Variants in ZNF415 observed in about 807,000 individuals in gnomAD.
The protein encoded by ZNF415 is zinc finger protein 415.
ZNF415 carries 5 observed loss-of-function variants against 7.3 expected under a neutral mutation model. The observed-to-expected ratio is 0.69, with a 90% confidence interval of 0.36 to 1.44. The LOEUF (loss-of-function observed/expected upper bound fraction) is 1.44. ZNF415 is among the 40% of genes most tolerant of loss of function. The probability of loss-of-function intolerance (pLI) is 0.04; values close to 1 mark genes in which losing one functional copy is unlikely to be tolerated. For missense variants in ZNF415, 628 were observed against 664.8 expected (o/e 0.94, Z 0.61); for synonymous variants, 207 against 226.3 (o/e 0.91, Z 0.77).
intron 1 of ZNF415, among the ~76,000 whole-genome samples, chr19:53,131,592 C>T (rs2090082573): frequency 6.6e-6 from 1 of 152,044 alleles, no homozygotes. Context: ...CACCTTCTTT[C>T]TCTAGCTCTT....
chr19:53,130,133 G>T (rs1161083493), intron 1 of ZNF415, among the ~76,000 whole-genome samples: 1 of 150,026 alleles, frequency 6.7e-6, no homozygotes, highest in African/African-American at 2.4e-5. Context: ...CTGAGCAAAA[G>T]AAACTTCTTC....
intron 1 of ZNF415, among the ~76,000 whole-genome samples, chr19:53,128,015 C>A (rs2089487414): frequency 1.3e-5 from 2 of 152,184 alleles, no homozygotes; most frequent in African/African-American, 4.8e-5. Flanking sequence ...TCTACTCACT[C>A]CTTGATCCCA....
chr19:53,109,554 T>G lies in ZNF415; in HGVS notation c.491A>C (p.His164Pro), dbSNP rs768597876. ...ACCATGGTTGACAGACTTCTCAACA[T>G]GGTTACATTCATAAATTTTCCCTTC... ...QAEGKIYECN[H>P]VEKSVNHGSS... Residue 164 changes from histidine to proline, a missense_variant, in exon 4 of 4, where the codon CAT becomes CCT. Coordinates refer to ENST00000243643, the MANE Select transcript of ZNF415 (RefSeq NM_018355.4). The G allele has an allele frequency of 6.2e-6, 10 of 1,614,028 alleles. No individual in the cohort carries two copies. In the African/African-American group the frequency reaches 8.0e-5, roughly 13 times the overall value.
intron 3 of ZNF415, among the ~76,000 whole-genome samples, chr19:53,113,997 C>T (rs1001481541): frequency 1.3e-5 from 2 of 152,168 alleles, no homozygotes; most frequent in Non-Finnish European, 2.9e-5. Flanking sequence ...CTTTAAGGGG[C>T]ATCTCTACAT....
At chr19:53,119,002 C>T (rs968795639) in intron 2 of ZNF415, among the ~76,000 whole-genome samples, 10 of 151,414 alleles carry the variant, frequency 6.6e-5, no homozygotes, top group East Asian at 1.9e-4. Flanking sequence ...AAAATTAGGC[C>T]GGGCGCAGTG....
Position 53,108,368 on chromosome 19 carries a change from C to A in ZNF415, c.*9G>T, listed in dbSNP as rs746089986. ...CAGGATTTAAACTTTGACTGAAGACCTTGCCATATTAATTTCTTTTATAAG... is the reference window on the plus strand; with the variant it reads ...CAGGATTTAAACTTTGACTGAAGACATTGCCATATTAATTTCTTTTATAAG... On this transcript the variant is annotated 3_prime_UTR_variant, in exon 4 of 4. Coordinates refer to ENST00000243643, the MANE Select transcript of ZNF415 (RefSeq NM_018355.4). The A allele has an allele frequency of 6.3e-7, 1 of 1,588,938 alleles. No homozygotes were observed. The highest frequency in any genetic ancestry group is 1.8e-5 in the Admixed American group (1 of 55,956).
chr19:53,132,041 G>A (rs1340066627), intron 1 of ZNF415, among the ~76,000 whole-genome samples: 1 of 152,068 alleles, frequency 6.6e-6, no homozygotes, highest in African/African-American at 2.4e-5. Flanking sequence ...CTACCTGGCT[G>A]TCCTTCATCT....
In ZNF415 at chr19:53,108,828, T is replaced by C. The variant is rs767698274; in HGVS notation, c.1217A>G (p.His406Arg). The C allele has an allele frequency of 3.1e-6, 5 of 1,613,980 alleles. No homozygotes were observed. ...TSSLARHWRIHTGEKPYKCNE... is the reference protein window; with the variant it reads ...TSSLARHWRIRTGEKPYKCNE... Reference sequence around the variant, plus strand: ...GCATTTGTAAGGTTTCTCTCCAGTATGAATTCTCCAATGCCTTGCAAGGCT... The same window carrying C: ...GCATTTGTAAGGTTTCTCTCCAGTACGAATTCTCCAATGCCTTGCAAGGCT... The change falls in exon 4 of 4, where the codon CAT becomes CGT. Residue 406 changes from histidine to arginine, a missense_variant. His to Arg is a conservative substitution (Grantham distance 29). Transcript: ENST00000243643.
intron 2 of ZNF415, among the ~76,000 whole-genome samples, chr19:53,120,530 A>G (rs7259824): frequency 0.11 from 16,134 of 152,140 alleles, 940 homozygotes; most frequent in African/African-American, 0.16. Context: ...GAAAAGGGAT[A>G]CTCTATATCT....
Position 53,113,790 on chromosome 19 carries a change from G to A in ZNF415, c.136+2523C>T, listed in dbSNP as rs573690419. On this transcript the variant is annotated intron_variant, in intron 3 of 3. Coordinates refer to ENST00000243643, the MANE Select transcript of ZNF415 (RefSeq NM_018355.4). The stretch of plus-strand genomic sequence containing the variant: ...GTGAACTTGAACAATGTCATCGCTA[G>A]GAGAAACTCCCACACCAACTGCTGG... 2.0e-5 allele frequency among the ~76,000 whole-genome samples: 3 copies of A among 152,320 alleles called. No individual in the cohort carries two copies. The East Asian group carries it at 5.8e-4, about 29-fold the overall frequency.
chr19:53,109,283 A>C lies in ZNF415; in HGVS notation c.762T>G (p.Ser254Arg), dbSNP rs2085864728. 1 of 1,614,024 alleles carries C rather than the reference A, an allele frequency of 6.2e-7. No individual in the cohort carries two copies. Among genetic ancestry groups the C allele is most frequent in the Non-Finnish European group, 8.5e-7 (1 of 1,180,024 alleles). The change falls in exon 4 of 4, where the codon AGT becomes AGG. Residue 254 changes from serine (S) to arginine (R), a missense_variant. Physicochemically the swap from Ser to Arg is moderately radical, Grantham distance 110. Transcript: ENST00000243643. ...YKCDLCGKVF[S>R]QKSNLARHWR... is the part of the protein sequence containing the mutation. ...AATGACGCGCAAGGTTTGATTTTTG[A>C]CTAAAGACCTTGCCACACAGATCAC...
chr19:53,121,874 G>C (rs2088138706), intron 2 of ZNF415, among the ~76,000 whole-genome samples: 1 of 152,044 alleles, frequency 6.6e-6, no homozygotes, highest in Non-Finnish European at 1.5e-5. Context: ...AGTTTTATCT[G>C]GATTACAAAA....
chr19:53,116,858 G>A (rs55959943), intron 2 of ZNF415, among the ~76,000 whole-genome samples: 14,619 of 151,904 alleles, frequency 0.096, 724 homozygotes, highest in East Asian at 0.12. Flanking sequence ...TGAAATAAAC[G>A]AGTCAGACAA....
chr19:53,126,271 G>C (rs996236045), intron 1 of ZNF415, among the ~76,000 whole-genome samples: 3 of 151,282 alleles, frequency 2.0e-5, no homozygotes, highest in Admixed American at 2.0e-4. Context: ...AAGGGCAAGC[G>C]CAAGTCCACC....
At chr19:53,130,287 A>C (rs1409357312) in intron 1 of ZNF415, among the ~76,000 whole-genome samples, 2 of 152,180 alleles carry the variant, frequency 1.3e-5, no homozygotes, top group Non-Finnish European at 2.9e-5. Context: ...TATCAGGTAC[A>C]CATTGAAACA....
chr19:53,129,564 G>A lies in ZNF415; in HGVS notation c.-68+3292C>T, dbSNP rs115377682. On this transcript the variant is annotated intron_variant, in intron 1 of 3. Transcript: ENST00000243643. ...CCCAATTTTGCCCCAAATTTCAGGAGTCAGTGTTGCTCACATTGAGGTTTT... is the reference window on the plus strand; with the variant it reads ...CCCAATTTTGCCCCAAATTTCAGGAATCAGTGTTGCTCACATTGAGGTTTT... 397 of 402,982 alleles carry A rather than the reference G, an allele frequency of 9.9e-4. 3 individuals are homozygous for A. Among genetic ancestry groups the A allele is most frequent in the African/African-American group, 7.4e-3 (363 of 48,758 alleles). 25.0% of individuals were successfully genotyped at this position (402,982 alleles called of 1,614,324 possible). A position where few individuals can be genotyped will look rare whatever the true frequency, so the allele number is the denominator to read the frequency against.
At position 53,108,221 on chromosome 19, in the gene ZNF415, G is replaced by A. The variant is rs979194798; in HGVS notation, c.*156C>T. 4 of 732,724 alleles carry A rather than the reference G, an allele frequency of 5.5e-6. No homozygotes were observed. The highest frequency in any genetic ancestry group is 3.5e-5 in the African/African-American group (2 of 56,400). 45.4% of individuals were successfully genotyped at this position (732,724 alleles called of 1,614,324 possible). On this transcript the variant is annotated 3_prime_UTR_variant, in exon 4 of 4. Transcript: ENST00000243643. ...TTGTGATGAAGGGTTTGCTGTACTC[G>A]TAAGGATTCTCTCAAGAATGAAATT...
intron 2 of ZNF415, among the ~76,000 whole-genome samples, chr19:53,122,037 T>C (rs3786523): frequency 0.22 from 34,058 of 151,598 alleles, 4,834 homozygotes; most frequent in African/African-American, 0.39. Flanking sequence ...ACCTGAGGTC[T>C]GGAGTTCGAG....
Position 53,113,512 on chromosome 19 carries a change from A to C in ZNF415, c.136+2801T>G, listed in dbSNP as rs1288747241. On this transcript the variant is annotated intron_variant, in intron 3 of 3. Transcript: ENST00000243643. ...ACAGAGCGAAACTCCGTCTCAAAAA[A>C]AAAAAAAAAAAAAAAAAAAAAACCG... Among the ~76,000 whole-genome samples the C allele has an allele frequency of 2.5e-3, 68 of 27,180 alleles. 21 individuals carry two copies. The highest frequency in any genetic ancestry group is 7.6e-3 in the African/African-American group (59 of 7,780). 17.8% of individuals were successfully genotyped at this position (27,180 alleles called of 152,430 possible). A position where few individuals can be genotyped will look rare whatever the true frequency, so the allele number is the denominator to read the frequency against.
Sources: allele counts gnomAD v4.1 joint callset (sites outside exome capture counted in the v4.1 genomes callset), GRCh38; gene constraint gnomAD v4.1.1; transcripts MANE v1.5; gene names NCBI Gene and HGNC (gene_info 2026-07-23, HGNC 2026-07-21).